The following TYW1B variants were observed in gnomAD, a reference collection of about 807,000 sequenced individuals.
TYW1B encodes the protein S-adenosyl-L-methionine-dependent tRNA 4-demethylwyosine synthase TYW1B.
TYW1B carries 73 observed loss-of-function variants against 86.9 expected under a neutral mutation model. The observed-to-expected ratio is 0.84, with a 90% CI of 0.70 to 1.02. The LOEUF is 1.02. TYW1B is among the 50% of genes least tolerant of loss of function. The pLI, the probability that TYW1B is intolerant of heterozygous loss-of-function variation, is 0.00. For missense variants in TYW1B, 637 were observed against 827.4 expected (o/e 0.77, Z 2.82); for synonymous variants, 248 against 292.8 (o/e 0.85, Z 1.56).
At chr7:72,625,897 G>C (rs186326815) in intron 12 of TYW1B, among the ~76,000 whole-genome samples, 24 of 24,034 alleles carry the variant, frequency 1.0e-3, no homozygotes, top group Admixed American at 2.2e-3. Context: ...GAGGTGGGGC[G>C]GGGGGGGGGG....
intron 10 of TYW1B, among the ~76,000 whole-genome samples, chr7:72,695,125 A>C (rs1194733533): frequency 1.3e-5 from 2 of 152,228 alleles, no homozygotes; most frequent in African/African-American, 4.8e-5. Flanking sequence ...AACTTCAGGT[A>C]TGACAGCATC....
chr7:72,744,895 A>G (rs556580635), intron 7 of TYW1B, among the ~76,000 whole-genome samples: 2 of 152,384 alleles, frequency 1.3e-5, no homozygotes, highest in Admixed American at 1.3e-4. Context: ...TAATATTAGT[A>G]CAATAGTATA....
At position 72,636,585 on chromosome 7, in the gene TYW1B, A is replaced by C. The variant is rs1812672600; in HGVS notation, c.1507-7588T>G. 2.6e-5 allele frequency among the ~76,000 whole-genome samples: 4 copies of C among 152,194 alleles called. No individual in the cohort carries two copies. In the South Asian group the frequency reaches 8.3e-4, roughly 31 times the overall value. On this transcript the variant is annotated intron_variant, in intron 11 of 13. Transcript: ENST00000620995. ...GGGTAAATATCTTTATCAGATTAGG[A>C]AGTTTCCTTCTAATCCTAATTGGCT...
Position 72,713,712 on chromosome 7 carries a change from A to C in TYW1B, c.1279T>G (p.Tyr427Asp). 6.2e-7 allele frequency: 1 copy of C among 1,613,734 alleles called. No individual in the cohort carries two copies. The highest frequency in any genetic ancestry group is 8.5e-7 in the Non-Finnish European group (1 of 1,179,932). The stretch of plus-strand genomic sequence containing the variant: ...TTCAAAAACCTGTTGATCTCTGGGT[A>C]CATTATTGGTTCTCCCACGAGGGAC... ...ALSLVGEPIM[Y>D]PEINRFLKLL... is the part of the protein sequence containing the mutation. Residue 427 changes from tyrosine (Y) to aspartate (D), a missense_variant, in exon 10 of 14, where the codon TAC (tyrosine) becomes GAC (aspartate). Tyr to Asp is a radical substitution (Grantham distance 160). Transcript: ENST00000620995.
rs562338510 is a variant in TYW1B at position 72,784,030 on chromosome 7, G to A, written c.847-6497C>T. Reference sequence around the variant, plus strand: ...GCAAATGGAAATGTTTCTCCAGTGAGTAACTGTCAAGCATTTGCCATTTAT... The same window carrying A: ...GCAAATGGAAATGTTTCTCCAGTGAATAACTGTCAAGCATTTGCCATTTAT... On this transcript the variant is annotated intron_variant, in intron 6 of 13. Transcript: ENST00000620995. Among the ~76,000 whole-genome samples the A allele has an allele frequency of 5.3e-5, 8 of 152,156 alleles. 1 individual carries two copies. Among genetic ancestry groups the A allele is most frequent in the African/African-American group, 1.9e-4 (8 of 41,526 alleles).
intron 10 of TYW1B, among the ~76,000 whole-genome samples, chr7:72,709,488 A>G (rs1291953158): frequency 1.4e-4 from 20 of 147,016 alleles, no homozygotes; most frequent in African/African-American, 5.0e-4. Flanking sequence ...TAACACGGTG[A>G]AACCCCTGTC....
rs375254699 is a variant in TYW1B at position 72,691,279 on chromosome 7, A to G, written c.1506+3408T>C. Among the ~76,000 whole-genome samples the G allele has an allele frequency of 5.9e-5, 9 of 152,370 alleles. No homozygotes were observed. The South Asian group carries it at 1.9e-3, about 32-fold the overall frequency. The stretch of plus-strand genomic sequence containing the variant: ...CTCACAAGGCAACAAAAACAATGCC[A>G]AGAACGAGAAACAACAACTCTAATT... On this transcript the variant is annotated intron_variant, in intron 11 of 13. Coordinates refer to ENST00000620995, the MANE Select transcript of TYW1B (RefSeq NM_001145440.3).
intron 7 of TYW1B, among the ~76,000 whole-genome samples, chr7:72,756,249 T>TTATTTTA: frequency 6.6e-6 from 1 of 150,972 alleles, no homozygotes. Flanking sequence ...TTATTTTATT[T>TTATTTTA]TTTGAGAAGG....
At chr7:72,718,926 G>A (rs141016545) in intron 9 of TYW1B, among the ~76,000 whole-genome samples, 1,752 of 152,104 alleles carry the variant, frequency 0.012, 40 homozygotes, top group African/African-American at 0.039. Context: ...GCTCCACCGC[G>A]AAGGTAGTTT....
chr7:72,667,817 C>G (rs544856357), intron 11 of TYW1B, among the ~76,000 whole-genome samples: 3 of 152,226 alleles, frequency 2.0e-5, no homozygotes, highest in Non-Finnish European at 4.4e-5. Context: ...TGTTCCTATA[C>G]TCTTCAGGCA....
chr7:72,602,136 T>C (rs4406290), intron 13 of TYW1B, among the ~76,000 whole-genome samples: 25,232 of 152,096 alleles, frequency 0.17, 2,653 homozygotes, highest in East Asian at 0.56. Context: ...GAAATAATCT[T>C]GCTGAAGGGC....
chr7:72,768,786 C>CAAAA (rs35836607), intron 7 of TYW1B: 39 of 134,988 alleles, frequency 2.9e-4, no homozygotes, highest in South Asian at 8.7e-4. Flanking sequence ...GACTCCATCT[C>CAAAA]AAAAAAAAAA....
chr7:72,801,152 A>T (rs1788397583), intron 6 of TYW1B, among the ~76,000 whole-genome samples: 2 of 152,152 alleles, frequency 1.3e-5, no homozygotes, highest in South Asian at 2.1e-4. Context: ...AACATGGTGA[A>T]ATCCCGTCTC....
intron 10 of TYW1B, among the ~76,000 whole-genome samples, chr7:72,695,312 C>T (rs1303760022): frequency 2.6e-5 from 4 of 152,136 alleles, no homozygotes; most frequent in African/African-American, 9.7e-5. Flanking sequence ...CTGAGTCACA[C>T]CTATGCTTCC....
At chr7:72,673,955 T>G (rs1813674586) in intron 11 of TYW1B, among the ~76,000 whole-genome samples, 1 of 152,168 alleles carries the variant, frequency 6.6e-6, no homozygotes, top group South Asian at 2.1e-4. Flanking sequence ...GAGTTATTAT[T>G]TTTTTAAAAA....
In TYW1B at chr7:72,759,099, G is replaced by A. The variant is rs370189870; in HGVS notation, c.965-14498C>T. Among the ~76,000 whole-genome samples, 16 of 152,316 alleles carry A rather than the reference G, an allele frequency of 1.1e-4. No individual in the cohort carries two copies. In the South Asian group the frequency reaches 2.1e-3, roughly 20 times the overall value. ...TAATCCCAGCACCGTGCGAGGCCGA[G>A]GCAGGCAGATGACTTGAGCTCAGGA... On this transcript the variant is annotated intron_variant, in intron 7 of 13. Coordinates refer to ENST00000620995, the MANE Select transcript of TYW1B (RefSeq NM_001145440.3).
chr7:72,710,434 C>T (rs145928730), intron 10 of TYW1B, among the ~76,000 whole-genome samples: 16 of 152,304 alleles, frequency 1.1e-4, no homozygotes, highest in Admixed American at 1.0e-3. Context: ...TATACAACTT[C>T]AAAAAGTAAT....
intron 11 of TYW1B, among the ~76,000 whole-genome samples, chr7:72,638,055 C>T: frequency 6.6e-6 from 1 of 151,130 alleles, no homozygotes; most frequent in South Asian, 2.1e-4. Context: ...CCCCAAATTT[C>T]TACAGTAAAT....
intron 4 of TYW1B, among the ~76,000 whole-genome samples, chr7:72,809,487 C>T (rs1481556480): frequency 6.6e-6 from 1 of 151,792 alleles, no homozygotes; most frequent in African/African-American, 2.4e-5. Context: ...ACCCTCATCT[C>T]TAAAAAAATT....
Sources: allele counts gnomAD v4.1 joint callset (sites outside exome capture counted in the v4.1 genomes callset), GRCh38; gene constraint gnomAD v4.1.1; transcripts MANE v1.5; gene names NCBI Gene and HGNC (gene_info 2026-07-23, HGNC 2026-07-21).